The following C6orf89 variants were observed in gnomAD, a reference collection of about 807,000 sequenced individuals.
C6orf89 encodes the protein bombesin receptor-activated protein C6orf89.
A neutral mutation model predicts 40.7 loss-of-function variants in C6orf89; 29 were observed. That is an observed-to-expected ratio of 0.71 (90% CI 0.53 to 0.97). The LOEUF (loss-of-function observed/expected upper bound fraction) is 0.97, where lower values mean the gene tolerates loss of function less well. Among genes scored for constraint, C6orf89 ranks in the 50% least tolerant of loss-of-function variants. The pLI, the probability that C6orf89 is intolerant of heterozygous loss-of-function variation, is 0.00. For missense variants in C6orf89, 392 were observed against 429.1 expected, an observed-to-expected ratio of 0.91 and a Z score of 0.76; for synonymous variants, 165 against 152.2, an observed-to-expected ratio of 1.08 and a Z score of -0.62.
At chr6:36,886,150 C>T (rs1774977590) in intron 1 of C6orf89, 122 bp downstream of exon 1, 2 of 916,944 alleles carry the variant, frequency 2.2e-6, no homozygotes, top group Non-Finnish European at 2.9e-6. Context: ...TATCCCAGCG[C>T]GGATCCCTTT....
At position 36,901,325 on chromosome 6, in the gene C6orf89, T is replaced by A. The variant is rs201508480; in HGVS notation, c.190-896T>A. On this transcript the variant is annotated intron_variant, in intron 3 of 8. Coordinates refer to ENST00000480824, the MANE Select transcript of C6orf89 (RefSeq NM_001286635.2). ...ATTATTATTATTATTATTATTATTT[T>A]TTTTTTTTTTTTTTTTTTTTTTTTT... Among the ~76,000 whole-genome samples, 31 of 38,760 alleles carry A rather than the reference T, an allele frequency of 8.0e-4. No homozygotes were observed. The South Asian group carries it at 9.6e-3, about 12-fold the overall frequency. The allele number at this position is 38,760 out of a possible 152,430, so 25.4% of individuals were successfully genotyped here.
At chr6:36,874,575 TCTGGGGGCCGTCTCGGCCG>T in intron 1 of C6orf89, 1 of 1,172,004 alleles carries the variant, frequency 8.5e-7, no homozygotes, top group Non-Finnish European at 1.2e-6. Flanking sequence ...CTCTCAACCC[TCTGGGGGCCGTCTCGGCCG>T]CTGCTCCACG....
intron 6 of C6orf89, among the ~76,000 whole-genome samples, chr6:36,914,945 G>C (rs1009654129): frequency 6.6e-6 from 1 of 152,166 alleles, no homozygotes; most frequent in South Asian, 2.1e-4. Context: ...AGCTGAGATC[G>C]CGCCATTGCC....
intron 7 of C6orf89, 23 bp from the exon 8 acceptor site, chr6:36,919,555 C>T (rs752173512): frequency 1.2e-6 from 2 of 1,601,216 alleles, no homozygotes; most frequent in Non-Finnish European, 1.7e-6. Context: ...TCCTTTTCCT[C>T]CCCTCCTCAT....
chr6:36,879,665 C>A (rs1239468392), intron 2 of C6orf89, among the ~76,000 whole-genome samples: 7 of 152,156 alleles, frequency 4.6e-5, no homozygotes, highest in Admixed American at 1.3e-4. Context: ...TCAAGGGGTA[C>A]CTTAGGATAA....
intron 4 of C6orf89, among the ~76,000 whole-genome samples, chr6:36,912,415 CGAAATGCTATAT>C (rs985751455): frequency 6.6e-6 from 1 of 152,136 alleles, no homozygotes; most frequent in African/African-American, 2.4e-5. Flanking sequence ...CTTTGGAAAC[CGAAATGCTATAT>C]AATTGTAACA....
chr6:36,904,066 C>CA (rs989900772), intron 4 of C6orf89, among the ~76,000 whole-genome samples: 1 of 152,122 alleles, frequency 6.6e-6, no homozygotes, highest in African/African-American at 2.4e-5. Flanking sequence ...CTTCCTCAGA[C>CA]ACACCAGTCT....
intron 1 of C6orf89, among the ~76,000 whole-genome samples, chr6:36,894,239 C>A (rs1239734031): frequency 6.6e-6 from 1 of 152,152 alleles, no homozygotes; most frequent in Non-Finnish European, 1.5e-5. Flanking sequence ...CACCTCCCAG[C>A]ATCCACACTA....
At chr6:36,883,833 A>G (rs1774888917), upstream of C6orf89, among the ~76,000 whole-genome samples, 2 of 152,260 alleles carry the variant, frequency 1.3e-5, no homozygotes, top group Non-Finnish European at 2.9e-5. Flanking sequence ...ATTCTACTTT[A>G]AAGGCTATCG....
chr6:36,874,904 G>A (rs1774610067), intron 1 of C6orf89: 2 of 972,200 alleles, frequency 2.1e-6, no homozygotes, highest in Non-Finnish European at 3.1e-6. Flanking sequence ...GCCAAGACAA[G>A]GAAGAGGACG....
In C6orf89 at chr6:36,926,455, C is replaced by G. The variant is rs1053447566; in HGVS notation, c.*3014C>G. On this transcript the variant is annotated 3_prime_UTR_variant, in exon 9 of 9. Coordinates refer to ENST00000480824, the MANE Select transcript of C6orf89 (RefSeq NM_001286635.2). ...AGCTGAGGCAGGAAAATTGCTTGAA[C>G]CGGGGAGGCGGAGATTGCAGTGAGC... 1 of 151,612 alleles carries G rather than the reference C, an allele frequency of 6.6e-6. No individual in the cohort carries two copies. Among genetic ancestry groups the G allele is most frequent in the African/African-American group, 2.4e-5 (1 of 41,212 alleles). The allele number at this position is 151,612 out of a possible 1,614,324, so 9.4% of individuals were successfully genotyped here. A position where few individuals can be genotyped will look rare whatever the true frequency, so the allele number is the denominator to read the frequency against.
At chr6:36,903,620 C>T (rs372637892) in intron 4 of C6orf89, among the ~76,000 whole-genome samples, 2 of 151,970 alleles carry the variant, frequency 1.3e-5, no homozygotes, top group East Asian at 1.9e-4. Context: ...CCACCACGCC[C>T]GGCTAATTTT....
At chr6:36,908,679 T>C (rs1762014448) in intron 4 of C6orf89, among the ~76,000 whole-genome samples, 2 of 152,222 alleles carry the variant, frequency 1.3e-5, no homozygotes, top group South Asian at 4.1e-4. Context: ...TTTCTAAGGC[T>C]GCTGAAACAA....
intron 2 of C6orf89, 26 bp from the exon 3 acceptor site, chr6:36,899,400 A>T (rs760461422): frequency 2.5e-6 from 4 of 1,608,520 alleles, no homozygotes; most frequent in Non-Finnish European, 3.4e-6. Context: ...TTCTTTTTAC[A>T]TTTATTTTCT....
chr6:36,902,191 G>C, intron 3 of C6orf89, 30 bp from the exon 4 acceptor site: 2 of 1,585,260 alleles, frequency 1.3e-6, no homozygotes, highest in Non-Finnish European at 1.7e-6. Flanking sequence ...TGTTTGCTGG[G>C]ATTAATGCCT....
At chr6:36,895,599 T>A (rs1228769219) in intron 2 of C6orf89, among the ~76,000 whole-genome samples, 1 of 152,216 alleles carries the variant, frequency 6.6e-6, no homozygotes, top group Non-Finnish European at 1.5e-5. Context: ...AGCTATATAA[T>A]CTGTAGTTTT....
chr6:36,914,189 G>C, intron 4 of C6orf89, 95 bp from the exon 5 acceptor site: 1 of 1,124,560 alleles, frequency 8.9e-7, no homozygotes, highest in Admixed American at 2.3e-5. Flanking sequence ...AAGTCATTAT[G>C]ATGTCTTTCC....
intron 1 of C6orf89, chr6:36,874,819 C>A: frequency 6.2e-7 from 1 of 1,601,854 alleles, no homozygotes; most frequent in Non-Finnish European, 8.5e-7. Context: ...CTACTTCCGG[C>A]GTCGATTAGC....
At chr6:36,884,667 G>A (rs1285779126), upstream of C6orf89, among the ~76,000 whole-genome samples, 1 of 152,152 alleles carries the variant, frequency 6.6e-6, no homozygotes. This position sits in a 1 kb window ranked among gnomAD's most constrained non-coding sequence, Gnocchi z 4.0. Context: ...TGGTCACGCT[G>A]TCACCTAAGT....
Sources: gnomAD v4.1 joint callset for allele counts (sites outside exome capture counted in the v4.1 genomes callset) on GRCh38, gnomAD v4.1.1 for gene constraint, Gnocchi (gnomAD v3.1) non-coding constraint, MANE v1.5 for transcripts, NCBI Gene and HGNC (gene_info 2026-07-23, HGNC 2026-07-21) for gene names.